SPPL3: variants seen among roughly 807,000 people sequenced by gnomAD.
SPPL3 encodes the protein signal peptide peptidase like 3, also known as signal peptide peptidase-like 3.
A neutral mutation model predicts 42.4 loss-of-function variants in SPPL3; 5 were observed. The ratio of observed to expected loss-of-function variants is 0.12; its 90% confidence interval spans 0.06 to 0.25. SPPL3 has a LOEUF of 0.25. Ranked by LOEUF, SPPL3 falls within the 10% of genes least tolerant of loss-of-function variation. The probability of loss-of-function intolerance (pLI) is 1.00; values close to 1 mark genes in which losing one functional copy is unlikely to be tolerated. For missense variants in SPPL3, 235 were observed against 489.0 expected (o/e 0.48, Z 4.90); for synonymous variants, 195 against 181.8 (o/e 1.07, Z -0.58).
chr12:120,803,692 T>C (rs1259152721), intron 2 of SPPL3, among the ~76,000 whole-genome samples: 3 of 152,166 alleles, frequency 2.0e-5, no homozygotes, highest in Non-Finnish European at 4.4e-5. Context: ...TATGTGTTCC[T>C]AGAAAACTTA....
At chr12:120,853,691 C>T (rs568844836) in intron 1 of SPPL3, among the ~76,000 whole-genome samples, 7 of 152,218 alleles carry the variant, frequency 4.6e-5, no homozygotes, top group African/African-American at 1.4e-4. Flanking sequence ...AAACACAGAT[C>T]GCTGTACCTA....
chr12:120,824,439 C>T lies in SPPL3; in HGVS notation c.24-13553G>A, dbSNP rs181670704. Among the ~76,000 whole-genome samples the T allele has an allele frequency of 3.5e-3, 525 of 152,138 alleles. 18 individuals carry two copies. The highest frequency in any genetic ancestry group is 7.6e-4 in the Non-Finnish European group (52 of 68,012). ...ATACTAAAAGCTTGTGTTCTTCAGT[C>T]GGATATAGAATTTAACAAGTAATAC... On this transcript the variant is annotated intron_variant, in intron 1 of 10. Coordinates refer to ENST00000353487, the MANE Select transcript of SPPL3 (RefSeq NM_139015.5).
chr12:120,901,849 C>CAG (rs989572915), intron 1 of SPPL3: 39 of 975,558 alleles, frequency 4.0e-5, no homozygotes, highest in Non-Finnish European at 4.5e-5. Context: ...CAACTAATGT[C>CAG]AGAGAGAGGT....
At position 120,833,702 on chromosome 12, in the gene SPPL3, G is replaced by A. The variant is rs551044487; in HGVS notation, c.24-22816C>T. On this transcript the variant is annotated intron_variant, in intron 1 of 10. Transcript: ENST00000353487. ...AAAAGAAAAAAAAAAAAAGGAAAAA[G>A]AGAAAAAAAGGAGGAAAAACAGATG... is the stretch of plus-strand genomic sequence containing the variant. Among the ~76,000 whole-genome samples, 510 of 137,118 alleles carry A rather than the reference G, an allele frequency of 3.7e-3. 8 individuals are homozygous for A. The highest frequency in any genetic ancestry group is 0.012 in the African/African-American group (474 of 38,866). The allele number at this position is 137,118 out of a possible 152,430, so 90.0% of individuals were successfully genotyped here.
At chr12:120,799,923 T>C (rs1392547807) in intron 2 of SPPL3, among the ~76,000 whole-genome samples, 1 of 152,158 alleles carries the variant, frequency 6.6e-6, no homozygotes, top group Non-Finnish European at 1.5e-5. Flanking sequence ...AATAAAGCCT[T>C]TGCAAAAGAC....
intron 1 of SPPL3, among the ~76,000 whole-genome samples, chr12:120,865,399 T>TCAAC (rs1872728164): frequency 6.6e-6 from 1 of 152,222 alleles, no homozygotes; most frequent in Non-Finnish European, 1.5e-5. Flanking sequence ...TTGCTTGGGT[T>TCAAC]CCAATCCTGG....
At chr12:120,779,587 C>T (rs1339610359) in intron 6 of SPPL3, among the ~76,000 whole-genome samples, 2 of 152,102 alleles carry the variant, frequency 1.3e-5, no homozygotes, top group African/African-American at 4.8e-5. Context: ...TTCACAACCC[C>T]TTTTAAAGAA....
At chr12:120,860,783 AAG>A (rs1385888727) in intron 1 of SPPL3, among the ~76,000 whole-genome samples, 2 of 152,156 alleles carry the variant, frequency 1.3e-5, no homozygotes, top group East Asian at 3.9e-4. Flanking sequence ...TTTTATGTAA[AAG>A]AGTAAATATT....
At chr12:120,824,481 T>C (rs1012348697) in intron 1 of SPPL3, among the ~76,000 whole-genome samples, 1 of 152,196 alleles carries the variant, frequency 6.6e-6, no homozygotes, top group Non-Finnish European at 1.5e-5. Context: ...GTAAGTTCTA[T>C]AGCAGAATTT....
chr12:120,847,081 G>A (rs371688745), intron 1 of SPPL3, among the ~76,000 whole-genome samples: 4 of 152,204 alleles, frequency 2.6e-5, no homozygotes, highest in African/African-American at 9.6e-5. Context: ...GATAAATGAA[G>A]TTTTATGTTA....
intron 2 of SPPL3, among the ~76,000 whole-genome samples, chr12:120,809,490 T>C (rs1216323504): frequency 6.6e-6 from 1 of 152,370 alleles, no homozygotes; most frequent in East Asian, 1.9e-4. Context: ...TAACACTGCA[T>C]AGTTAAAAAT....
At chr12:120,849,692 T>C (rs776015550) in intron 1 of SPPL3, among the ~76,000 whole-genome samples, 3 of 152,198 alleles carry the variant, frequency 2.0e-5, no homozygotes, top group Non-Finnish European at 2.9e-5. Context: ...GCTTGACTAG[T>C]GCACAATACA....
intron 1 of SPPL3, among the ~76,000 whole-genome samples, chr12:120,812,520 G>A (rs1870719054): frequency 6.6e-6 from 1 of 152,194 alleles, no homozygotes; most frequent in Non-Finnish European, 1.5e-5. Context: ...TATATATACT[G>A]AGAGCTCATC....
At chr12:120,834,005 G>A (rs919798152) in intron 1 of SPPL3, among the ~76,000 whole-genome samples, 1 of 152,140 alleles carries the variant, frequency 6.6e-6, no homozygotes, top group African/African-American at 2.4e-5. Flanking sequence ...ATTTTCACAT[G>A]TGCTCTACTT....
At chr12:120,871,203 CATA>C (rs1193234169) in intron 1 of SPPL3, among the ~76,000 whole-genome samples, 2 of 145,936 alleles carry the variant, frequency 1.4e-5, no homozygotes, top group Non-Finnish European at 3.0e-5. Flanking sequence ...TGTGAATACA[CATA>C]ATACCACATG....
At chr12:120,778,533 C>T (rs1388080365) in intron 6 of SPPL3, among the ~76,000 whole-genome samples, 1 of 151,998 alleles carries the variant, frequency 6.6e-6, no homozygotes, top group Non-Finnish European at 1.5e-5. Flanking sequence ...ACCCCCAAAA[C>T]CCCTGTTTTT....
At chr12:120,853,987 C>CAT (rs1872357531) in intron 1 of SPPL3, among the ~76,000 whole-genome samples, 1 of 37,804 alleles carries the variant, frequency 2.6e-5, no homozygotes, top group African/African-American at 7.8e-5. Context: ...CACACATACA[C>CAT]ACACACACAC....
intron 1 of SPPL3, among the ~76,000 whole-genome samples, chr12:120,837,460 G>T (rs117526339): frequency 2.0e-5 from 3 of 152,092 alleles, no homozygotes; most frequent in Non-Finnish European, 4.4e-5. Flanking sequence ...GCTGAAATAC[G>T]TGATATTAAA....
chr12:120,811,882 T>C (rs1300658427), intron 1 of SPPL3, among the ~76,000 whole-genome samples: 3 of 152,078 alleles, frequency 2.0e-5, no homozygotes, highest in African/African-American at 7.2e-5. Flanking sequence ...AATATAATCA[T>C]GAAGAATGTT....
Sources: allele counts gnomAD v4.1 joint callset (sites outside exome capture counted in the v4.1 genomes callset), GRCh38; gene constraint gnomAD v4.1.1; transcripts MANE v1.5; gene names NCBI Gene and HGNC (gene_info 2026-07-23, HGNC 2026-07-21).